The following ZPLD1 variants were observed in gnomAD, a reference collection of about 807,000 sequenced individuals.
The protein encoded by ZPLD1 is zona pellucida-like domain-containing protein 1.
In ZPLD1, 34 loss-of-function variants were observed where a neutral mutation model predicts 47.2. The observed-to-expected ratio is 0.72, with a 90% CI of 0.55 to 0.96. The LOEUF (loss-of-function observed/expected upper bound fraction) is 0.96. ZPLD1 is among the 40% of genes least tolerant of loss of function. ZPLD1 has a pLI of 0.00. For missense variants in ZPLD1, 512 were observed against 505.8 expected (o/e 1.01, Z -0.12); for synonymous variants, 176 against 186.2 (o/e 0.95, Z 0.45).
intron 7 of ZPLD1, among the ~76,000 whole-genome samples, chr3:102,398,878 GCA>G (rs10564376): frequency 0.077 from 11,357 of 148,392 alleles, 999 homozygotes; most frequent in African/African-American, 0.22. Context: ...GCGTGCGCAC[GCA>G]CACACACACA....
chr3:102,387,850 CTTTTT>C (rs1023132648), intron 6 of ZPLD1, among the ~76,000 whole-genome samples: 1 of 80,626 alleles, frequency 1.2e-5, no homozygotes, highest in African/African-American at 4.9e-5. Context: ...CTGAGAAATT[CTTTTT>C]TTTTTTTTTT....
At chr3:102,458,951 G>A (rs1341310098) in intron 6 of ZPLD1, among the ~76,000 whole-genome samples, 3 of 151,734 alleles carry the variant, frequency 2.0e-5, no homozygotes, top group Non-Finnish European at 4.4e-5. Context: ...TTAGCCGGGC[G>A]TGGTGGCGGG....
intron 7 of ZPLD1, among the ~76,000 whole-genome samples, chr3:102,395,249 A>AAT (rs575438346): frequency 1.6e-4 from 24 of 151,562 alleles, no homozygotes; most frequent in African/African-American, 3.1e-4. Flanking sequence ...TTACTTACCA[A>AAT]ATATATATAT....
intron 7 of ZPLD1, among the ~76,000 whole-genome samples, chr3:102,396,506 T>C (rs543446610): frequency 1.1e-4 from 16 of 152,256 alleles, no homozygotes; most frequent in African/African-American, 3.8e-4. Context: ...TATTTGGTAT[T>C]GATTACATAA....
chr3:102,450,336 C>T (rs1301824967), intron 3 of ZPLD1, among the ~76,000 whole-genome samples: 1 of 152,160 alleles, frequency 6.6e-6, no homozygotes, highest in Non-Finnish European at 1.5e-5. Flanking sequence ...ATATATCCTC[C>T]ACCCAAATCA....
chr3:102,388,095 C>T (rs892916237), intron 6 of ZPLD1, among the ~76,000 whole-genome samples: 4 of 151,926 alleles, frequency 2.6e-5, no homozygotes, highest in Admixed American at 6.6e-5. Flanking sequence ...TTCCTGACCT[C>T]GTGATCCGCC....
rs1000719640 is a variant in ZPLD1 at position 102,477,779 on chromosome 3, T to A, written c.*161T>A. The A allele has an allele frequency of 2.9e-5, 18 of 617,968 alleles. No homozygotes were observed. The highest frequency in any genetic ancestry group is 4.0e-5 in the Admixed American group (1 of 25,256). 38.3% of individuals were successfully genotyped at this position (617,968 alleles called of 1,614,324 possible). On this transcript the variant is annotated 3_prime_UTR_variant, in exon 12 of 12. Coordinates refer to ENST00000466937, the MANE Select transcript of ZPLD1 (RefSeq NM_001329788.2). Reference sequence around the variant, plus strand: ...TCAGCATAATGATAGTGAAAGAAGTTTATTATATTGCTATTGTCACTTATG... The same window carrying A: ...TCAGCATAATGATAGTGAAAGAAGTATATTATATTGCTATTGTCACTTATG...
chr3:102,456,947 T>G (rs983543473), intron 5 of ZPLD1, among the ~76,000 whole-genome samples: 2 of 152,136 alleles, frequency 1.3e-5, no homozygotes, highest in African/African-American at 4.8e-5. Flanking sequence ...GGACTGAGGG[T>G]GTAGCCTTCT....
intron 7 of ZPLD1, among the ~76,000 whole-genome samples, chr3:102,415,497 A>G (rs932178020): frequency 5.3e-5 from 8 of 151,956 alleles, no homozygotes; most frequent in Admixed American, 4.6e-4. Context: ...GAGGCCAAAC[A>G]TTTGGATGGA....
At chr3:102,408,528 A>G (rs1337382143) in intron 7 of ZPLD1, among the ~76,000 whole-genome samples, 2 of 151,930 alleles carry the variant, frequency 1.3e-5, no homozygotes, top group Non-Finnish European at 2.9e-5. Flanking sequence ...TAGCACAGGG[A>G]TGATTTCTGC....
At chr3:102,457,745 C>CTCA in intron 5 of ZPLD1, 36 bp from the exon 6 acceptor site, 2 of 1,595,362 alleles carry the variant, frequency 1.3e-6, no homozygotes, top group Non-Finnish European at 1.7e-6. Context: ...ACTCTAAAAT[C>CTCA]TCATCAGTGC....
At chr3:102,472,615 A>AATT (rs1314281382) in intron 10 of ZPLD1, among the ~76,000 whole-genome samples, 1 of 152,112 alleles carries the variant, frequency 6.6e-6, no homozygotes, top group Non-Finnish European at 1.5e-5. Flanking sequence ...TGGCTCATAG[A>AATT]ATTACATTGA....
chr3:102,409,664 A>G (rs912878311), intron 7 of ZPLD1, among the ~76,000 whole-genome samples: 2 of 151,838 alleles, frequency 1.3e-5, no homozygotes, highest in African/African-American at 4.8e-5. Context: ...TCTGAAAAGA[A>G]GGAAAATTCC....
Position 102,456,228 on chromosome 3 carries a change from T to A in ZPLD1, c.363T>A (p.Asn121Lys), listed in dbSNP as rs761100053. 2 of 1,613,570 alleles carry A rather than the reference T, an allele frequency of 1.2e-6. No homozygotes were observed. The highest frequency in any genetic ancestry group is 1.7e-6 in the Non-Finnish European group (2 of 1,179,810). ...STIPGVSAYG[N>K]ATSVQVGNIS... ...TTCCTGGAGTCAGTGCTTATGGAAA[T>A]GCAACTTCAGTGCAAGTAGGAAATA... Residue 121 changes from asparagine (N) to lysine (K), a missense_variant, in exon 5 of 12, where the codon AAT becomes AAA. By Grantham distance (94) the Asn-to-Lys change is moderately conservative. Transcript: ENST00000466937.
At chr3:102,431,490 A>AAT (rs1707015384), upstream of ZPLD1, among the ~76,000 whole-genome samples, 1 of 152,116 alleles carries the variant, frequency 6.6e-6, no homozygotes, top group Non-Finnish European at 1.5e-5. Context: ...TTTTTCTTTT[A>AAT]ATATATATGT....
At chr3:102,426,599 TG>T in intron 8 of ZPLD1, among the ~76,000 whole-genome samples, 1 of 152,264 alleles carries the variant, frequency 6.6e-6, no homozygotes, top group South Asian at 2.1e-4. Flanking sequence ...ATTTGTATAA[TG>T]GTTATCTTCA....
intron 3 of ZPLD1, among the ~76,000 whole-genome samples, chr3:102,445,203 A>G (rs530013054): frequency 6.6e-6 from 1 of 152,238 alleles, no homozygotes; most frequent in East Asian, 1.9e-4. Flanking sequence ...TCCTGTTCCC[A>G]ATTTTGTTTC....
intron 7 of ZPLD1, among the ~76,000 whole-genome samples, chr3:102,393,648 T>TAA (rs80092157): frequency 2.8e-5 from 4 of 145,374 alleles, no homozygotes; most frequent in East Asian, 2.0e-4. Context: ...CTTTGTAGAT[T>TAA]AAAAAAAAAA....
chr3:102,445,014 G>A (rs1312697465), intron 3 of ZPLD1, among the ~76,000 whole-genome samples: 2 of 152,144 alleles, frequency 1.3e-5, no homozygotes, highest in East Asian at 3.9e-4. Context: ...TAGGTTCTTT[G>A]CTCTGGACTC....
Sources: gnomAD v4.1 joint callset for allele counts (sites outside exome capture counted in the v4.1 genomes callset) on GRCh38, gnomAD v4.1.1 for gene constraint, MANE v1.5 for transcripts, NCBI Gene and HGNC (gene_info 2026-07-23, HGNC 2026-07-21) for gene names.